ADAMTSL1: variants seen among roughly 807,000 people sequenced by gnomAD.
The protein encoded by ADAMTSL1 is ADAMTS like 1, also known as ADAMTS-like protein 1.
A neutral mutation model predicts 201.8 loss-of-function variants in ADAMTSL1; 126 were observed. That is an observed-to-expected ratio of 0.62 (90% CI 0.54 to 0.72). The LOEUF (loss-of-function observed/expected upper bound fraction) is 0.72, where lower values mean the gene tolerates loss of function less well. Among genes scored for constraint, ADAMTSL1 ranks in the 30% least tolerant of loss-of-function variants. The probability of loss-of-function intolerance (pLI) is 0.00; values close to 1 mark genes in which losing one functional copy is unlikely to be tolerated. For missense variants in ADAMTSL1, 2,679 were observed against 2,277.8 expected (o/e 1.18, Z -3.59); for synonymous variants, 1,121 against 903.4 (o/e 1.24, Z -4.32).
At chr9:18,408,515 G>C (rs2805930) in intron 2 of ADAMTSL1, among the ~76,000 whole-genome samples, 90,634 of 151,972 alleles carry the variant, frequency 0.6, 27,823 homozygotes, top group African/African-American at 0.73. Flanking sequence ...TAAGTACCTA[G>C]TATGTGCTGG....
chr9:18,153,522 A>C (rs1394306909), intron 1 of ADAMTSL1, among the ~76,000 whole-genome samples: 1 of 152,028 alleles, frequency 6.6e-6, no homozygotes, highest in Non-Finnish European at 1.5e-5. Context: ...AGTAGTCCTA[A>C]TCTGTGGAGC....
chr9:18,240,116 G>C (rs1393437278), intron 2 of ADAMTSL1, among the ~76,000 whole-genome samples: 1 of 152,080 alleles, frequency 6.6e-6, no homozygotes, highest in African/African-American at 2.4e-5. Flanking sequence ...TCCACTTACT[G>C]TACCCAGATC....
chr9:18,314,485 C>G (rs550755877), intron 2 of ADAMTSL1, among the ~76,000 whole-genome samples: 2 of 152,066 alleles, frequency 1.3e-5, no homozygotes, highest in South Asian at 2.1e-4. Flanking sequence ...AGTGTTACAG[C>G]TCTTAAGGCG....
intron 1 of ADAMTSL1, among the ~76,000 whole-genome samples, chr9:18,160,542 C>T (rs866872370): frequency 3.3e-5 from 5 of 151,962 alleles, no homozygotes; most frequent in Non-Finnish European, 5.9e-5. Context: ...TTTTATTGTA[C>T]GCTAAGTACC....
intron 2 of ADAMTSL1, among the ~76,000 whole-genome samples, chr9:18,214,577 T>C (rs1287369460): frequency 6.6e-6 from 1 of 152,194 alleles, no homozygotes; most frequent in Non-Finnish European, 1.5e-5. Flanking sequence ...TTATGTGATA[T>C]AACAACAGTT....
intron 1 of ADAMTSL1, among the ~76,000 whole-genome samples, chr9:17,947,812 T>C (rs1386188656): frequency 6.6e-6 from 1 of 152,156 alleles, no homozygotes; most frequent in African/African-American, 2.4e-5. Context: ...GGAATTGAAA[T>C]AGGTGAAATT....
chr9:18,736,591 T>C (rs507741), intron 15 of ADAMTSL1, among the ~76,000 whole-genome samples: 125,916 of 152,138 alleles, frequency 0.83, 52,167 homozygotes, highest in Non-Finnish European at 0.85. Context: ...CCTAACTCCT[T>C]CAGCAGGGTA....
chr9:18,181,319 C>G (rs536360682), intron 2 of ADAMTSL1, among the ~76,000 whole-genome samples: 2 of 152,140 alleles, frequency 1.3e-5, no homozygotes, highest in African/African-American at 4.8e-5. Context: ...TTCTGCACAG[C>G]AAAAGAAATT....
At chr9:17,926,711 A>G (rs955396086) in intron 1 of ADAMTSL1, among the ~76,000 whole-genome samples, 1 of 152,168 alleles carries the variant, frequency 6.6e-6, no homozygotes, top group Admixed American at 6.5e-5. Context: ...TGAATCCAGA[A>G]TATCCCCTTT....
At chr9:18,076,932 C>T (rs1823257176) in intron 1 of ADAMTSL1, among the ~76,000 whole-genome samples, 2 of 151,974 alleles carry the variant, frequency 1.3e-5, no homozygotes, top group African/African-American at 2.4e-5. Context: ...AAGAAATGGA[C>T]CGATTGAATG....
Position 18,675,857 on chromosome 9 carries a change from T to C in ADAMTSL1, c.1086T>C (p.Ser362=). ...GGGTTGGCATTATTGTTCCTAACAG[T>C]GACGGATACAAGCAGATCATGCCTT... ...QECNLDPCPA[S]DGYKQIMPYD... is the part of the protein sequence containing the mutation. Residue 362 remains serine, a splice_region_variant and synonymous_variant, in exon 10 of 29, where the codon AGT becomes AGC. Coordinates refer to ENST00000380548, the MANE Select transcript of ADAMTSL1 (RefSeq NM_001040272.6). 6.2e-7 allele frequency: 1 copy of C among 1,613,150 alleles called. No individual in the cohort carries two copies. The highest frequency in any genetic ancestry group is 8.5e-7 in the Non-Finnish European group (1 of 1,179,224).
chr9:18,671,893 C>T (rs953516865), intron 9 of ADAMTSL1, among the ~76,000 whole-genome samples: 5 of 151,892 alleles, frequency 3.3e-5, no homozygotes, highest in South Asian at 2.1e-4. Context: ...AAAAATTATC[C>T]GGGCGTGGCG....
intron 2 of ADAMTSL1, among the ~76,000 whole-genome samples, chr9:18,369,151 C>T (rs1836922498): frequency 6.6e-6 from 1 of 152,278 alleles, no homozygotes; most frequent in African/African-American, 2.4e-5. Context: ...AAAGAGATTT[C>T]ATGTTTTAAG....
intron 17 of ADAMTSL1, among the ~76,000 whole-genome samples, chr9:18,771,800 C>A (rs1820709367): frequency 1.6e-5 from 2 of 128,432 alleles, no homozygotes; most frequent in Non-Finnish European, 3.1e-5. Flanking sequence ...TACTTGCTTA[C>A]AGAGGGCAAA....
intron 5 of ADAMTSL1, among the ~76,000 whole-genome samples, chr9:18,634,152 C>A (rs560124545): frequency 6.6e-6 from 1 of 152,174 alleles, no homozygotes; most frequent in Admixed American, 6.5e-5. Flanking sequence ...AAACTAAATT[C>A]TCCTAAAGAT....
intron 26 of ADAMTSL1, among the ~76,000 whole-genome samples, chr9:18,894,503 C>G (rs1341495210): frequency 6.6e-6 from 1 of 151,910 alleles, no homozygotes; most frequent in Non-Finnish European, 1.5e-5. Context: ...TCCATTTCCT[C>G]TTTATAAGCG....
At chr9:18,557,574 C>G (rs575944433) in intron 3 of ADAMTSL1, among the ~76,000 whole-genome samples, 1 of 152,096 alleles carries the variant, frequency 6.6e-6, no homozygotes, top group South Asian at 2.1e-4. Context: ...CCAGGAAATA[C>G]ACCATGTTGT....
chr9:18,166,773 A>C (rs1326513634), intron 2 of ADAMTSL1, among the ~76,000 whole-genome samples: 1 of 152,000 alleles, frequency 6.6e-6, no homozygotes, highest in Non-Finnish European at 1.5e-5. Context: ...GTTTCTTTCA[A>C]AAATGTAAAT....
intron 23 of ADAMTSL1, among the ~76,000 whole-genome samples, chr9:18,887,273 G>A (rs1354054676): frequency 6.6e-6 from 1 of 152,134 alleles, no homozygotes; most frequent in Non-Finnish European, 1.5e-5. Flanking sequence ...CATGTCCAGT[G>A]CAGGCTTGGC....
Sources: allele counts gnomAD v4.1 joint callset (sites outside exome capture counted in the v4.1 genomes callset), GRCh38; gene constraint gnomAD v4.1.1; transcripts MANE v1.5; gene names NCBI Gene and HGNC (gene_info 2026-07-23, HGNC 2026-07-21).